SHANK2: variants seen among roughly 807,000 people sequenced by gnomAD.
SHANK2 encodes SH3 and multiple ankyrin repeat domains protein 2.
SHANK2 carries 43 observed loss-of-function variants against 133.7 expected under a neutral mutation model. The observed-to-expected ratio is 0.32, with a 90% CI of 0.25 to 0.41. SHANK2 has a LOEUF of 0.41. SHANK2 is among the 10% of genes least tolerant of loss of function. The pLI is 1.00. For missense variants in SHANK2, 1,994 were observed against 2,235.8 expected, an observed-to-expected ratio of 0.89 and a Z score of 2.18; for synonymous variants, 1,017 against 952.8, an observed-to-expected ratio of 1.07 and a Z score of -1.24.
At chr11:70,697,869 G>A (rs1054220135) in intron 15 of SHANK2, among the ~76,000 whole-genome samples, 3 of 152,260 alleles carry the variant, frequency 2.0e-5, no homozygotes, top group Admixed American at 1.3e-4. Flanking sequence ...TCACATCCCC[G>A]GGGCCTGCAC....
chr11:70,598,393 C>T (rs999521613), intron 17 of SHANK2, among the ~76,000 whole-genome samples: 3 of 152,142 alleles, frequency 2.0e-5, no homozygotes, highest in South Asian at 2.1e-4. Context: ...AATAAAAACT[C>T]GAAGAGTTCT....
At chr11:70,588,896 C>A (rs1554987413) in intron 17 of SHANK2, among the ~76,000 whole-genome samples, 1 of 152,226 alleles carries the variant, frequency 6.6e-6, no homozygotes, top group Non-Finnish European at 1.5e-5. Context: ...CAGCTCACTG[C>A]AAGCTCCGCC....
chr11:70,761,918 G>GCT (rs1947005753), intron 14 of SHANK2, among the ~76,000 whole-genome samples: 1 of 151,802 alleles, frequency 6.6e-6, no homozygotes, highest in African/African-American at 2.4e-5. Flanking sequence ...GCAAGTTCCC[G>GCT]GCTGCTGCTG....
At chr11:70,922,533 C>A (rs797024050) in intron 10 of SHANK2, among the ~76,000 whole-genome samples, 54 of 152,198 alleles carry the variant, frequency 3.5e-4, no homozygotes, top group African/African-American at 1.3e-3. Context: ...ACACCGACAG[C>A]AGTCTTTCAA....
chr11:70,949,733 C>T (rs1950805289), intron 10 of SHANK2, among the ~76,000 whole-genome samples: 1 of 152,212 alleles, frequency 6.6e-6, no homozygotes, highest in Non-Finnish European at 1.5e-5. Flanking sequence ...GCAGGCCTCC[C>T]TGGGCCCCCG....
intron 11 of SHANK2, among the ~76,000 whole-genome samples, chr11:70,827,690 AACAC>A (rs113156725): frequency 0.099 from 12,910 of 130,240 alleles, 720 homozygotes; most frequent in African/African-American, 0.14. Context: ...AGAAATTTAA[AACAC>A]ACACACACAC....
chr11:71,219,988 C>G (rs1954502608), intron 2 of SHANK2, among the ~76,000 whole-genome samples: 1 of 152,088 alleles, frequency 6.6e-6, no homozygotes, highest in Non-Finnish European at 1.5e-5. Flanking sequence ...CTTGGGGAAG[C>G]TGAGGTGGGT....
chr11:70,903,375 TCAAAATAAAATAAA>T (rs1421132756), intron 10 of SHANK2, among the ~76,000 whole-genome samples: 1 of 116,854 alleles, frequency 8.6e-6, no homozygotes, highest in Non-Finnish European at 1.8e-5. Flanking sequence ...AGACTCTGTC[TCAAAATAAAATAAA>T]GTAAATAAAA....
chr11:70,484,928 G>C (rs1295552414), intron 25 of SHANK2, among the ~76,000 whole-genome samples: 2 of 152,048 alleles, frequency 1.3e-5, no homozygotes, highest in Non-Finnish European at 2.9e-5. Context: ...CTAGTCTCCT[G>C]CAACCAACTC....
At chr11:71,088,883 T>C (rs1951457218) in intron 8 of SHANK2, among the ~76,000 whole-genome samples, 1 of 146,056 alleles carries the variant, frequency 6.8e-6, no homozygotes, top group Admixed American at 6.8e-5. Context: ...GTCCTGAACT[T>C]GACCTTGTGG....
intron 20 of SHANK2, 83 bp downstream of exon 20, chr11:70,501,840 G>A (rs1322924749): frequency 3.5e-6 from 5 of 1,441,356 alleles, no homozygotes; most frequent in Non-Finnish European, 4.8e-6. Flanking sequence ...ACAGGCCTCC[G>A]AGGCCTGGGC....
At chr11:70,563,616 G>A (rs569775283) in intron 17 of SHANK2, among the ~76,000 whole-genome samples, 53 of 143,692 alleles carry the variant, frequency 3.7e-4, no homozygotes, top group African/African-American at 9.1e-4. Context: ...TTGGCTCACC[G>A]CAACCTCCGC....
intron 9 of SHANK2, among the ~76,000 whole-genome samples, chr11:71,059,005 A>G (rs1950955464): frequency 6.6e-6 from 1 of 152,252 alleles, no homozygotes; most frequent in African/African-American, 2.4e-5. Flanking sequence ...ACCTGAGGTC[A>G]GGAGTTCAAG....
At chr11:70,866,397 C>G (rs1388918132) in intron 11 of SHANK2, among the ~76,000 whole-genome samples, 4 of 152,086 alleles carry the variant, frequency 2.6e-5, no homozygotes, top group African/African-American at 9.7e-5. Context: ...AAGAGCCACA[C>G]CCGGCTAATT....
At chr11:70,687,693 C>T (rs1301414488) in intron 15 of SHANK2, among the ~76,000 whole-genome samples, 1 of 152,208 alleles carries the variant, frequency 6.6e-6, no homozygotes, top group African/African-American at 2.4e-5. Context: ...TCTCCTTTGC[C>T]TGCCGGCGGG....
Position 70,832,892 on chromosome 11 carries a change from T to C in SHANK2, c.1175-12210A>G, listed in dbSNP as rs554009735. Among the ~76,000 whole-genome samples the C allele has an allele frequency of 2.0e-5, 3 of 152,340 alleles. No homozygotes were observed. In the South Asian group the frequency reaches 6.2e-4, roughly 32 times the overall value. On this transcript the variant is annotated intron_variant, in intron 11 of 25. Transcript: ENST00000601538. ...GCATCCTTAGCGTCCTCACTGCATC[T>C]GCAGAGCAGCTAGGCTGTTGTCCTC... is the stretch of plus-strand genomic sequence containing the variant.
chr11:70,941,603 G>C (rs1490507520), intron 10 of SHANK2, among the ~76,000 whole-genome samples: 4 of 152,064 alleles, frequency 2.6e-5, no homozygotes, highest in East Asian at 1.9e-4. Flanking sequence ...CATGAGGGTG[G>C]GGCCCCACGA....
rs969174970 is a variant in SHANK2 at position 71,065,139 on chromosome 11, G to C, written c.1030-8581C>G. ...TGACTGGGTTTGAGCAAGCAGGGGT[G>C]AAAGTCTGACCACACTGTGTCAGTG... On this transcript the variant is annotated intron_variant, in intron 9 of 25. Coordinates refer to ENST00000601538, the MANE Select transcript of SHANK2 (RefSeq NM_012309.5). 4.4e-4 allele frequency among the ~76,000 whole-genome samples: 67 copies of C among 152,296 alleles called. 1 individual carries two copies. In the South Asian group the frequency reaches 0.011, roughly 25 times the overall value.
At chr11:70,503,290 A>G (rs1157760322) in intron 17 of SHANK2, among the ~76,000 whole-genome samples, 1 of 152,156 alleles carries the variant, frequency 6.6e-6, no homozygotes, top group Non-Finnish European at 1.5e-5. Flanking sequence ...CAGGGCCACC[A>G]AGAGACTGCA....
Sources: gnomAD v4.1 joint callset for allele counts (sites outside exome capture counted in the v4.1 genomes callset) on GRCh38, gnomAD v4.1.1 for gene constraint, MANE v1.5 for transcripts, NCBI Gene and HGNC (gene_info 2026-07-23, HGNC 2026-07-21) for gene names.